The following SCN8A variants were observed in gnomAD, a reference collection of about 807,000 sequenced individuals.
SCN8A encodes the protein sodium voltage-gated channel alpha subunit 8.
Under a neutral mutation model 184.1 loss-of-function variants are expected in SCN8A, and 30 were observed. The observed-to-expected ratio is 0.16, with a 90% CI of 0.12 to 0.22. The LOEUF is 0.22. Among genes scored for constraint, SCN8A ranks in the 10% least tolerant of loss-of-function variants. The pLI, the probability that SCN8A is intolerant of heterozygous loss-of-function variation, is 1.00. For synonymous variants in SCN8A, 852 were observed against 907.0 expected, an observed-to-expected ratio of 0.94 and a Z score of 1.09; for missense variants, 1,057 against 2,498.9, an observed-to-expected ratio of 0.42 and a Z score of 12.30.
intron 1 of SCN8A, among the ~76,000 whole-genome samples, chr12:51,608,021 C>CTTTTTTTTTTTTT (rs749172465): frequency 1.5e-5 from 2 of 133,478 alleles, no homozygotes; most frequent in Non-Finnish European, 3.2e-5. Context: ...TTTCTTTTTC[C>CTTTTTTTTTTTTT]TTTTTTTTTT....
At chr12:51,664,883 C>T (rs1046862076) in intron 2 of SCN8A, among the ~76,000 whole-genome samples, 1 of 152,102 alleles carries the variant, frequency 6.6e-6, no homozygotes, top group Admixed American at 6.5e-5. Flanking sequence ...TCCCTCCCCC[C>T]ATTCCCTACC....
At chr12:51,681,473 A>G (rs1941331844) in intron 2 of SCN8A, among the ~76,000 whole-genome samples, 2 of 152,210 alleles carry the variant, frequency 1.3e-5, no homozygotes, top group South Asian at 4.1e-4. Flanking sequence ...GTAGAAACAC[A>G]GAGAGGTACA....
At chr12:51,678,587 C>T (rs1344327303) in intron 2 of SCN8A, among the ~76,000 whole-genome samples, 1 of 152,146 alleles carries the variant, frequency 6.6e-6, no homozygotes, top group Non-Finnish European at 1.5e-5. Context: ...AAAATGAGAT[C>T]TAGAGACATG....
chr12:51,771,539 T>C (rs1438573581), intron 19 of SCN8A, among the ~76,000 whole-genome samples: 1 of 152,006 alleles, frequency 6.6e-6, no homozygotes, highest in Non-Finnish European at 1.5e-5. Flanking sequence ...TAAGAAAAGC[T>C]GAGAGAGGCA....
At position 51,721,864 on chromosome 12, in the gene SCN8A, A is replaced by T. The variant is rs1048609401; in HGVS notation, c.1954A>T (p.Ile652Phe). ...GGACTGCAACGGCGTGGTGTCCCTC[A>T]TCGGCGGCCCCGGCTCCCACATCGG... Reference protein sequence around the residue: ...TVDCNGVVSLIGGPGSHIGGR... With the variant: ...TVDCNGVVSLFGGPGSHIGGR... Residue 652 changes from isoleucine to phenylalanine, a missense_variant, in exon 12 of 27, where the codon ATC becomes TTC. Physicochemically the swap from Ile to Phe is conservative, Grantham distance 21. Around this residue, in one of 19 missense-constraint regions of SCN8A, gnomAD observed 322 missense variants for 390.1 expected, o/e 0.83. Coordinates refer to ENST00000627620, the MANE Select transcript of SCN8A (RefSeq NM_001330260.2). 1.9e-6 allele frequency: 3 copies of T among 1,602,574 alleles called. No homozygotes were observed. Among genetic ancestry groups the T allele is most frequent in the African/African-American group, 1.3e-5 (1 of 74,936 alleles).
At chr12:51,599,680 A>G (rs1345688753) in intron 1 of SCN8A, among the ~76,000 whole-genome samples, 1 of 152,220 alleles carries the variant, frequency 6.6e-6, no homozygotes, top group Non-Finnish European at 1.5e-5. Flanking sequence ...ATTGGATGGA[A>G]TAGAGCAAGG....
intron 9 of SCN8A, among the ~76,000 whole-genome samples, chr12:51,703,985 A>G (rs1941736175): frequency 5.3e-5 from 8 of 151,614 alleles, no homozygotes; most frequent in Admixed American, 5.3e-4. Flanking sequence ...TGTTCACTGC[A>G]GCCTCCAAAC....
intron 23 of SCN8A, 69 bp from the exon 24 acceptor site, chr12:51,789,212 T>C: frequency 6.4e-7 from 1 of 1,560,694 alleles, no homozygotes. Context: ...CAGTTACGGC[T>C]GATGGCCTTG....
chr12:51,641,277 C>T (rs996364883), intron 1 of SCN8A, among the ~76,000 whole-genome samples: 1 of 152,192 alleles, frequency 6.6e-6, no homozygotes, highest in Admixed American at 6.5e-5. Flanking sequence ...ACTTGAGCAT[C>T]TGGGGATTTT....
intron 1 of SCN8A, among the ~76,000 whole-genome samples, chr12:51,659,375 AGTG>A (rs1247185341): frequency 6.6e-6 from 1 of 152,222 alleles, no homozygotes. Context: ...TCTTGATTTC[AGTG>A]GTGGTTACAC....
chr12:51,721,524 C>T (rs768307239), intron 11 of SCN8A, 22 bp from the exon 12 acceptor site: 2 of 1,578,196 alleles, frequency 1.3e-6, no homozygotes, highest in Non-Finnish European at 8.6e-7. Flanking sequence ...GTCCCTCTCT[C>T]TTTCCCTGTC....
At chr12:51,722,137 C>T in intron 12 of SCN8A, 2 of 640,806 alleles carry the variant, frequency 3.1e-6, no homozygotes, top group Non-Finnish European at 5.3e-6. Context: ...ACCCTGTCTT[C>T]TCCTTTCCTT....
intron 1 of SCN8A, among the ~76,000 whole-genome samples, chr12:51,605,873 G>A (rs564021678): frequency 6.6e-6 from 1 of 151,994 alleles, no homozygotes; most frequent in Admixed American, 6.6e-5. Flanking sequence ...TCATATATTT[G>A]TTGGCCATTT....
chr12:51,713,741 G>A, intron 11 of SCN8A: 1 of 318,780 alleles, frequency 3.1e-6, no homozygotes, highest in Non-Finnish European at 5.6e-6. Flanking sequence ...TTGCTCTATT[G>A]CAGCAGTTTT....
chr12:51,603,010 T>A (rs1173145104), intron 1 of SCN8A, among the ~76,000 whole-genome samples: 1 of 152,236 alleles, frequency 6.6e-6, no homozygotes, highest in Non-Finnish European at 1.5e-5. Context: ...TTTGTTTTAT[T>A]TTTTCTTATT....
chr12:51,782,546 A>C (rs774567603), intron 21 of SCN8A, among the ~76,000 whole-genome samples: 6 of 152,230 alleles, frequency 3.9e-5, no homozygotes, highest in Non-Finnish European at 8.8e-5. Context: ...GCATCCCCTT[A>C]CGGTGATCCC....
chr12:51,770,541 G>C lies in SCN8A; in HGVS notation c.3503G>C (p.Arg1168Pro). 6.2e-7 allele frequency: 1 copy of C among 1,607,046 alleles called. No individual in the cohort carries two copies. Among genetic ancestry groups the C allele is most frequent in the Non-Finnish European group, 8.5e-7 (1 of 1,176,386 alleles). ...CCGCTGGTGCCAGGTTGTGTCCAGC[G>C]GTTCAAGTGCTGCCAGGTCAACATC... ...DACFTEGCVQ[R>P]FKCCQVNIEE... is the part of the protein sequence containing the mutation. Residue 1168 changes from arginine (R) to proline (P), a missense_variant, in exon 19 of 27, where the codon CGG (arginine) becomes CCG (proline). This residue lies in a region of SCN8A where 178 missense variants were observed against 259.6 expected (regional missense o/e 0.69). Coordinates refer to ENST00000627620, the MANE Select transcript of SCN8A (RefSeq NM_001330260.2).
At chr12:51,611,388 C>T (rs1939717201) in intron 1 of SCN8A, among the ~76,000 whole-genome samples, 1 of 152,188 alleles carries the variant, frequency 6.6e-6, no homozygotes, top group Non-Finnish European at 1.5e-5. Context: ...TGGTCTCGAT[C>T]TCCTGACCTT....
At position 51,765,610 on chromosome 12, in the gene SCN8A, TGTG is replaced by T. The variant is rs1942825924; in HGVS notation, c.2545-57_2545-55del. 9.3e-6 allele frequency: 9 copies of T among 962,606 alleles called. No homozygotes were observed. In the South Asian group the frequency reaches 1.6e-4, roughly 17 times the overall value. 59.6% of individuals were successfully genotyped at this position (962,606 alleles called of 1,614,324 possible). A position where few individuals can be genotyped will look rare whatever the true frequency, so the allele number is the denominator to read the frequency against. ...TAATTTTATGTTTTTATTTTAGCCATGTGGTGAGAAAATTGATTGAGTATCATT... is the reference window on the plus strand; with the variant it reads ...TAATTTTATGTTTTTATTTTAGCCATGTGAGAAAATTGATTGAGTATCATT... On this transcript the variant is annotated intron_variant, in intron 15 of 26. Transcript: ENST00000627620.
Sources: allele counts gnomAD v4.1 joint callset (sites outside exome capture counted in the v4.1 genomes callset), GRCh38; gene constraint gnomAD v4.1.1; regional missense constraint gnomAD v4.1.1; transcripts MANE v1.5; gene names NCBI Gene and HGNC (gene_info 2026-07-23, HGNC 2026-07-21).